ALG13: variants seen among roughly 807,000 people sequenced by gnomAD.
The protein encoded by ALG13 is ALG13 UDP-N-acetylglucosaminyltransferase subunit.
In ALG13, 11 loss-of-function variants were observed where a neutral mutation model predicts 87.8. That is an observed-to-expected ratio of 0.13 (90% CI 0.08 to 0.21). The LOEUF (loss-of-function observed/expected upper bound fraction) is 0.21, where lower values mean the gene tolerates loss of function less well. Among genes scored for constraint, ALG13 ranks in the 10% least tolerant of loss-of-function variants. The pLI, the probability that ALG13 is intolerant of heterozygous loss-of-function variation, is 1.00. For synonymous variants in ALG13, 320 were observed against 306.3 expected (o/e 1.04, Z -0.47); for missense variants, 756 against 866.1 (o/e 0.87, Z 1.60).
intron 6 of ALG13, among the ~76,000 whole-genome samples, 178 bp from the exon 7 acceptor site, chrX:111,712,306 A>G (rs1315465196): frequency 9.0e-6 from 1 of 111,417 alleles, no homozygotes; most frequent in African/African-American, 3.3e-5. Flanking sequence ...TTCTTTCAGG[A>G]TAAGTTTATG....
intron 3 of ALG13, among the ~76,000 whole-genome samples, chrX:111,695,218 A>G (rs1009730467): frequency 9.0e-6 from 1 of 111,422 alleles, no homozygotes; most frequent in African/African-American, 3.3e-5. Context: ...CACTGCAGGT[A>G]TCTTAAGTCA....
intron 21 of ALG13, among the ~76,000 whole-genome samples, chrX:111,733,773 A>G (rs1765857792): frequency 1.8e-5 from 2 of 111,171 alleles, no homozygotes; most frequent in African/African-American, 6.5e-5. Flanking sequence ...ACTGCCACCA[A>G]CAGTATAAAA....
chrX:111,727,121 GA>G, intron 16 of ALG13, 66 bp downstream of exon 16: 1 of 1,156,321 alleles, frequency 8.6e-7, no homozygotes. Flanking sequence ...AGAGATCCAA[GA>G]AGATAGAATG....
At chrX:111,723,238 C>T (rs1298530852) in intron 13 of ALG13, among the ~76,000 whole-genome samples, 4 of 108,896 alleles carry the variant, frequency 3.7e-5, no homozygotes, top group African/African-American at 1.3e-4. Flanking sequence ...ACTGCAAGCT[C>T]TGCCTCCCGG....
chrX:111,748,438 C>A (rs1944432456), intron 24 of ALG13, among the ~76,000 whole-genome samples: 1 of 111,754 alleles, frequency 8.9e-6, no homozygotes, highest in Admixed American at 9.5e-5. Flanking sequence ...GGTCTGTGAT[C>A]CATTTTGAGT....
chrX:111,706,923 CAAAA>C (rs776803537), intron 3 of ALG13, among the ~76,000 whole-genome samples: 2 of 35,731 alleles, frequency 5.6e-5, no homozygotes, highest in Admixed American at 3.4e-4. Context: ...TCCACAGATA[CAAAA>C]AAAAAAAAAA....
At chrX:111,684,377 A>C (rs755082064) in intron 2 of ALG13, among the ~76,000 whole-genome samples, 1 of 109,767 alleles carries the variant, frequency 9.1e-6, no homozygotes, top group Admixed American at 9.7e-5. Flanking sequence ...GACAGGGTGC[A>C]GTGGTGCAAT....
At chrX:111,733,956 T>G (rs1569520650) in intron 21 of ALG13, among the ~76,000 whole-genome samples, 2 of 112,348 alleles carry the variant, frequency 1.8e-5, no homozygotes, top group Non-Finnish European at 3.8e-5. Flanking sequence ...ATATCTTCTT[T>G]TGAGAATTGT....
chrX:111,681,683 C>G, intron 1 of ALG13: 1 of 856,208 alleles, frequency 1.2e-6, no homozygotes, highest in Non-Finnish European at 1.4e-6. Flanking sequence ...CCCCTGTGGA[C>G]CGCACGTCGG....
At position 111,735,085 on chromosome X, in the gene ALG13, C is replaced by T; in HGVS notation, c.2492C>T (p.Pro831Leu). 2 of 1,195,160 alleles carry T rather than the reference C, an allele frequency of 1.7e-6. No homozygotes were observed. Among genetic ancestry groups the T allele is most frequent in the Non-Finnish European group, 2.3e-6 (2 of 882,155 alleles). ...GACAGAAAGTCATGTTCTATGTCTC[C>T]TCAGGACACAGTTACCTCATACAAC... Reference protein sequence around the residue: ...LQDRKSCSMSPQDTVTSYNYP... With the variant: ...LQDRKSCSMSLQDTVTSYNYP... Residue 831 changes from proline to leucine, a missense_variant, in exon 22 of 27, where the codon CCT (proline) becomes CTT (leucine). Pro to Leu is a moderately conservative substitution (Grantham distance 98, BLOSUM62 -3). This residue lies in a region of ALG13 where 362 missense variants were observed against 383.5 expected (regional missense o/e 0.94). Coordinates refer to ENST00000394780, the MANE Select transcript of ALG13 (RefSeq NM_001099922.3).
intron 3 of ALG13, among the ~76,000 whole-genome samples, chrX:111,695,553 T>C (rs1936862187): frequency 9.1e-6 from 1 of 110,380 alleles, no homozygotes; most frequent in African/African-American, 3.3e-5. Context: ...CCCTCAGTGT[T>C]TGTGTGCCAG....
chrX:111,726,336 C>G (rs1424961063), intron 15 of ALG13, among the ~76,000 whole-genome samples: 1 of 104,958 alleles, frequency 9.5e-6, no homozygotes, highest in African/African-American at 3.6e-5. Flanking sequence ...CGGGCTCAAG[C>G]AATTCTCCTG....
intron 3 of ALG13, among the ~76,000 whole-genome samples, chrX:111,694,670 A>G (rs1936708718): frequency 8.9e-6 from 1 of 112,248 alleles, no homozygotes; most frequent in African/African-American, 3.2e-5. Context: ...AATGATGTCT[A>G]TGAGACGCAT....
chrX:111,727,720 A>C lies in ALG13; in HGVS notation c.2197A>C (p.Thr733Pro). Residue 733 changes from threonine (T) to proline (P), a missense_variant, in exon 18 of 27, where the codon ACT becomes CCT. Thr to Pro is a conservative substitution (Grantham distance 38, BLOSUM62 -1). Transcript: ENST00000394780. ...GCCCAGGGGCTTGGAAGAAACTATT[A>C]CTTTTTATGAAGTTGAAGAAGGGGA... is the stretch of plus-strand genomic sequence containing the variant. Reference protein sequence around the residue: ...QMPRGLEETITFYEVEEGDET... With the variant: ...QMPRGLEETIPFYEVEEGDET... 1.7e-6 allele frequency: 2 copies of C among 1,209,817 alleles called. No individual in the cohort carries two copies. Among genetic ancestry groups the C allele is most frequent in the Non-Finnish European group, 2.2e-6 (2 of 894,638 alleles).
chrX:111,736,553 C>G (rs965334540), intron 22 of ALG13, among the ~76,000 whole-genome samples, 161 bp from the exon 23 acceptor site: 1 of 111,843 alleles, frequency 8.9e-6, no homozygotes, highest in African/African-American at 3.2e-5. Context: ...GACCTAAGAT[C>G]TTCTGAAAGA....
In ALG13 at chrX:111,686,274, T is replaced by A. The variant is rs759762890; in HGVS notation, c.383+1171T>A. 8 of 364,902 alleles carry A rather than the reference T, an allele frequency of 2.2e-5. No individual in the cohort carries two copies. The South Asian group carries it at 9.2e-4, about 42-fold the overall frequency. The allele number at this position is 364,902 out of a possible 1,213,427, so 30.1% of individuals were successfully genotyped here. On this transcript the variant is annotated intron_variant, in intron 3 of 26. Transcript: ENST00000394780. ...TTACTATATATGTGTATATATATAT[T>A]TATTTACATTATAGTAAAATGAAAT...
chrX:111,740,023 G>A (rs753088968), intron 23 of ALG13, among the ~76,000 whole-genome samples: 1 of 111,494 alleles, frequency 9.0e-6, no homozygotes, highest in African/African-American at 3.3e-5. Flanking sequence ...AGAACAATTA[G>A]AGACATAAGA....
intron 10 of ALG13, among the ~76,000 whole-genome samples, chrX:111,719,670 C>A (rs1484056690): frequency 8.9e-6 from 1 of 112,064 alleles, no homozygotes; most frequent in Non-Finnish European, 1.9e-5. Context: ...TACTTCCCCA[C>A]TCATGGTTCT....
In ALG13 at chrX:111,736,885, T is replaced by C. The variant is rs1165976731; in HGVS notation, c.2695+6T>C. The C allele has an allele frequency of 8.4e-7, 1 of 1,191,482 alleles. No individual in the cohort carries two copies. Among genetic ancestry groups the C allele is most frequent in the Admixed American group, 2.3e-5 (1 of 43,597 alleles). On this transcript the variant is annotated splice_donor_region_variant and intron_variant, in intron 23 of 26. Transcript: ENST00000394780. ...ACCTACACACGGCAGGCCAGGTAGGTTATTAGCAGATGCTTACTTTGGAAG... is the reference window on the plus strand; with the variant it reads ...ACCTACACACGGCAGGCCAGGTAGGCTATTAGCAGATGCTTACTTTGGAAG...
Sources: allele counts gnomAD v4.1 joint callset (sites outside exome capture counted in the v4.1 genomes callset), GRCh38; gene constraint gnomAD v4.1.1; regional missense constraint gnomAD v4.1.1; transcripts MANE v1.5; gene names NCBI Gene and HGNC (gene_info 2026-07-23, HGNC 2026-07-21).